NLGN4Y: variants seen among roughly 807,000 people sequenced by gnomAD.
NLGN4Y encodes neuroligin-4, Y-linked.
A neutral mutation model predicts 8.4 loss-of-function variants in NLGN4Y; 4 were observed. The ratio of observed to expected loss-of-function variants is 0.48; its 90% CI spans 0.23 to 1.09. The LOEUF (loss-of-function observed/expected upper bound fraction) is 1.09. NLGN4Y is among the 50% of genes least tolerant of loss of function. The pLI is 0.19. For missense variants in NLGN4Y, 90 were observed against 192.3 expected, an observed-to-expected ratio of 0.47 and a Z score of 3.15; for synonymous variants, 35 against 75.6, an observed-to-expected ratio of 0.46 and a Z score of 2.78.
At chrY:14,612,351 C>T (rs771595213) in intron 1 of NLGN4Y, among the ~76,000 whole-genome samples, 1 of 33,450 alleles carries the variant, frequency 3.0e-5, no homozygotes, top group East Asian at 8.0e-4. Flanking sequence ...AGTGATGATC[C>T]TTTGGAAGAG....
intron 1 of NLGN4Y, among the ~76,000 whole-genome samples, chrY:14,533,793 C>G: frequency 3.0e-5 from 1 of 32,890 alleles, no homozygotes; most frequent in Non-Finnish European, 7.4e-5. Flanking sequence ...ATTCACCTCC[C>G]TGTGTCCCTG....
At chrY:14,818,194 C>T (rs2043109530) in intron 4 of NLGN4Y, among the ~76,000 whole-genome samples, 1 of 31,744 alleles carries the variant, frequency 3.2e-5, no homozygotes, top group African/African-American at 1.2e-4. Context: ...ATTCCCTCCT[C>T]AAGCAGTGGA....
intron 1 of NLGN4Y, among the ~76,000 whole-genome samples, chrY:14,563,055 G>A (rs5913817): frequency 6.0e-5 from 2 of 33,608 alleles, no homozygotes; most frequent in East Asian, 1.6e-3. Flanking sequence ...TTGCCTGATT[G>A]CCCTGGCCAG....
At chrY:14,820,078 T>C (rs2043117159) in intron 4 of NLGN4Y, among the ~76,000 whole-genome samples, 1 of 33,131 alleles carries the variant, frequency 3.0e-5, no homozygotes, top group Non-Finnish European at 7.4e-5. Flanking sequence ...ACCCTGATGT[T>C]CCGAATAGTT....
intron 4 of NLGN4Y, chrY:14,748,636 C>T (rs1333062179): frequency 6.0e-4 from 109 of 182,752 alleles, no homozygotes; most frequent in Admixed American, 2.0e-3. Context: ...CACCCTGGCT[C>T]ATGGAAACTG....
intron 5 of NLGN4Y, among the ~76,000 whole-genome samples, chrY:14,825,946 G>A: frequency 9.0e-5 from 3 of 33,427 alleles, no homozygotes; most frequent in Non-Finnish European, 1.5e-4. Flanking sequence ...CTAAGTGGTG[G>A]TCAGCATAGA....
intron 2 of NLGN4Y, among the ~76,000 whole-genome samples, chrY:14,651,087 A>G: frequency 3.0e-5 from 1 of 32,968 alleles, no homozygotes; most frequent in Non-Finnish European, 7.5e-5. Context: ...TCATATATAC[A>G]TCAGCCAATC....
intron 2 of NLGN4Y, among the ~76,000 whole-genome samples, chrY:14,662,265 T>C (rs2080677565): frequency 3.0e-5 from 1 of 33,414 alleles, no homozygotes; most frequent in African/African-American, 1.2e-4. Flanking sequence ...TTAATCTATC[T>C]ACCTGCCTAT....
At chrY:14,678,289 G>T (rs891375626) in intron 2 of NLGN4Y, among the ~76,000 whole-genome samples, 1 of 32,950 alleles carries the variant, frequency 3.0e-5, no homozygotes, top group Non-Finnish European at 7.4e-5. Flanking sequence ...AGATATGAAT[G>T]GTCTAAGTGT....
At chrY:14,613,367 C>CA (rs2080476065) in intron 1 of NLGN4Y, among the ~76,000 whole-genome samples, 2 of 32,712 alleles carry the variant, frequency 6.1e-5, no homozygotes, top group South Asian at 7.1e-4. Context: ...AAAACAAAAA[C>CA]AAAAAAAACT....
At position 14,842,844 on chromosome Y, in the gene NLGN4Y, T is replaced by G; in HGVS notation, c.*1582T>G. ...ATCAGAGATTTGTCTCTCCAACAGC[T>G]TGTGGTTTTCTTATTACTCATTTTC... On this transcript the variant is annotated 3_prime_UTR_variant, in exon 7 of 7. Coordinates refer to ENST00000684976, the MANE Select transcript of NLGN4Y (RefSeq NM_001365588.1). The G allele has an allele frequency of 8.2e-6, 1 of 121,822 alleles. No individual in the cohort carries two copies. Among genetic ancestry groups the G allele is most frequent in the Non-Finnish European group, 1.8e-5 (1 of 56,175 alleles). The allele number at this position is 121,822 out of a possible 400,897, so 30.4% of individuals were successfully genotyped here.
intron 4 of NLGN4Y, among the ~76,000 whole-genome samples, chrY:14,726,061 G>A (rs773886843): frequency 4.2e-4 from 14 of 33,170 alleles, no homozygotes; most frequent in African/African-American, 1.6e-3. Context: ...GTATAAAAAC[G>A]ATACCTAAAA....
intron 4 of NLGN4Y, among the ~76,000 whole-genome samples, chrY:14,776,571 T>TA: frequency 3.1e-5 from 1 of 31,874 alleles, no homozygotes; most frequent in African/African-American, 1.2e-4. Context: ...TATAATTAGT[T>TA]ACTTGCATTT....
chrY:14,830,658 C>T, intron 6 of NLGN4Y, 139 bp downstream of exon 6: 2 of 188,563 alleles, frequency 1.1e-5, no homozygotes, highest in Non-Finnish European at 2.0e-5. Context: ...CTTACACACA[C>T]AGCAATAACA....
intron 5 of NLGN4Y, among the ~76,000 whole-genome samples, chrY:14,826,847 A>G (rs966886707): frequency 3.0e-5 from 1 of 33,595 alleles, no homozygotes; most frequent in Non-Finnish European, 7.4e-5. Context: ...AGGGAGGTCA[A>G]GTCTTCAGTG....
intron 2 of NLGN4Y, among the ~76,000 whole-genome samples, chrY:14,640,886 C>G (rs747230216): frequency 5.8e-5 from 2 of 34,206 alleles, no homozygotes; most frequent in South Asian, 1.3e-3. Context: ...GGTTGTGTCC[C>G]CCTTCAGCCA....
At chrY:14,614,980 C>T (rs2080483120) in intron 1 of NLGN4Y, among the ~76,000 whole-genome samples, 1 of 32,532 alleles carries the variant, frequency 3.1e-5, no homozygotes, top group Admixed American at 2.8e-4. Flanking sequence ...TGAAGAAAGT[C>T]ATTGGCAGCT....
intron 1 of NLGN4Y, among the ~76,000 whole-genome samples, chrY:14,558,134 TG>T (rs2080215427): frequency 9.1e-5 from 3 of 33,074 alleles, no homozygotes; most frequent in African/African-American, 3.5e-4. Context: ...GAAAGAGACC[TG>T]GTATAATTAA....
chrY:14,646,318 C>T (rs563050121), intron 2 of NLGN4Y, among the ~76,000 whole-genome samples: 108 of 33,407 alleles, frequency 3.2e-3, no homozygotes, highest in African/African-American at 0.011. Flanking sequence ...CACACCATCT[C>T]CTCATCATTT....
Sources: allele counts gnomAD v4.1 joint callset (sites outside exome capture counted in the v4.1 genomes callset), GRCh38; gene constraint gnomAD v4.1.1; transcripts MANE v1.5; gene names NCBI Gene and HGNC (gene_info 2026-07-23, HGNC 2026-07-21).